Variants in ZYG11B observed in about 807,000 individuals in gnomAD.
The protein encoded by ZYG11B is protein zyg-11 homolog B.
ZYG11B carries 36 observed loss-of-function variants against 82.4 expected under a neutral mutation model. The ratio of observed to expected loss-of-function variants is 0.44; its 90% CI spans 0.33 to 0.58. ZYG11B has a LOEUF of 0.58. ZYG11B is among the 20% of genes least tolerant of loss of function. The pLI, the probability that ZYG11B is intolerant of heterozygous loss-of-function variation, is 0.02. For synonymous variants in ZYG11B, 303 were observed against 312.8 expected (o/e 0.97, Z 0.33); for missense variants, 552 against 895.6 (o/e 0.62, Z 4.90).
rs1180098619 is a variant in ZYG11B, at chr1:52,796,918, T to TAATATATAATTATATTATATTATATTATA, written c.1485+134_1485+135insAATATATAATTATATTATATTATATTATA. 2.8e-5 allele frequency: 3 copies of TAATATATAATTATATTATATTATATTATA among 107,694 alleles called. No individual in the cohort carries two copies. The East Asian group carries it at 7.5e-4, about 27-fold the overall frequency. 6.7% of individuals were successfully genotyped at this position (107,694 alleles called of 1,614,324 possible). ...TATATAATTATATATATATTATATA[T>TAATATATAATTATATTATATTATATTATA]TATATATAATTATATATTATATATA... is the stretch of plus-strand genomic sequence containing the variant. On this transcript the variant is annotated intron_variant, in intron 8 of 13. Coordinates refer to ENST00000294353, the MANE Select transcript of ZYG11B (RefSeq NM_024646.3).
At chr1:52,770,715 T>C (rs1368529311) in intron 2 of ZYG11B, among the ~76,000 whole-genome samples, 2 of 152,180 alleles carry the variant, frequency 1.3e-5, no homozygotes, top group Admixed American at 1.3e-4. Context: ...TCCAGCTAAC[T>C]CCAGGGATGG....
chr1:52,787,176 G>GCCTGTGT (rs1330918819), intron 5 of ZYG11B, among the ~76,000 whole-genome samples: 2 of 152,090 alleles, frequency 1.3e-5, no homozygotes, highest in Non-Finnish European at 2.9e-5. Context: ...ATGTCCATCA[G>GCCTGTGT]CCTGTGTTTA....
Position 52,803,227 on chromosome 1 carries a change from CACATATATATATACACACACACAT to C in ZYG11B, c.1695+1090_1695+1113del, listed in dbSNP as rs1558140525. Among the ~76,000 whole-genome samples, 46 of 68,934 alleles carry C rather than the reference CACATATATATATACACACACACAT, an allele frequency of 6.7e-4. 3 individuals carry two copies. Among genetic ancestry groups the C allele is most frequent in the African/African-American group, 4.5e-3 (45 of 10,010 alleles). The allele number at this position is 68,934 out of a possible 152,430, so 45.2% of individuals were successfully genotyped here. ...ATACACACACATATATATATATACACACATATATATATACACACACACATATATATATATATATACACACACACA... is the reference window on the plus strand; with the variant it reads ...ATACACACACATATATATATATACACATATATATATATATACACACACACA... On this transcript the variant is annotated intron_variant, in intron 10 of 13. Coordinates refer to ENST00000294353, the MANE Select transcript of ZYG11B (RefSeq NM_024646.3).
rs186381547 is a variant in ZYG11B, at chr1:52,812,433, C to T, written c.1696-1103C>T. Among the ~76,000 whole-genome samples, 11 of 152,212 alleles carry T rather than the reference C, an allele frequency of 7.2e-5. No homozygotes were observed. In the East Asian group the frequency reaches 1.5e-3, roughly 21 times the overall value. ...ATTATTTCTTTGTGAGACGGAGTCTCGCTCTGTTGCCCAGGCTGGAGTGCA... is the reference window on the plus strand; with the variant it reads ...ATTATTTCTTTGTGAGACGGAGTCTTGCTCTGTTGCCCAGGCTGGAGTGCA... On this transcript the variant is annotated intron_variant, in intron 10 of 13. Transcript: ENST00000294353.
intron 2 of ZYG11B, 84 bp from the exon 3 acceptor site, chr1:52,770,936 G>A: frequency 7.1e-7 from 1 of 1,418,208 alleles, no homozygotes; most frequent in East Asian, 2.3e-5. Context: ...ACATGGGAGC[G>A]CTTTGGAAAT....
At chr1:52,737,302 A>G (rs1644385934) in intron 1 of ZYG11B, among the ~76,000 whole-genome samples, 2 of 152,148 alleles carry the variant, frequency 1.3e-5, no homozygotes, top group South Asian at 2.1e-4. Flanking sequence ...TGTACAGTGT[A>G]TGTGCCCTGG....
At chr1:52,796,925 T>A (rs1357112755) in intron 8 of ZYG11B, 141 bp downstream of exon 8, 18 of 108,362 alleles carry the variant, frequency 1.7e-4, no homozygotes, top group African/African-American at 6.9e-4. Context: ...ATATTATATA[T>A]AATTATATAT....
chr1:52,762,711 G>A (rs1350430551), intron 2 of ZYG11B, among the ~76,000 whole-genome samples: 1 of 151,980 alleles, frequency 6.6e-6, no homozygotes. Flanking sequence ...CTCCCAAGTA[G>A]CTGGGAGTTA....
At chr1:52,738,194 C>A (rs1644393436) in intron 1 of ZYG11B, among the ~76,000 whole-genome samples, 1 of 152,030 alleles carries the variant, frequency 6.6e-6, no homozygotes, top group Admixed American at 6.6e-5. Flanking sequence ...CTTTTAAAAA[C>A]TTTTATTAAC....
intron 3 of ZYG11B, among the ~76,000 whole-genome samples, chr1:52,778,362 G>C (rs372444720): frequency 2.0e-5 from 3 of 152,090 alleles, no homozygotes; most frequent in Non-Finnish European, 4.4e-5. Context: ...TGGGGTTAAA[G>C]TGATGCTCCT....
intron 1 of ZYG11B, among the ~76,000 whole-genome samples, chr1:52,747,041 A>G (rs893573112): frequency 3.3e-5 from 5 of 151,570 alleles, no homozygotes; most frequent in Non-Finnish European, 7.4e-5. Context: ...GTACATTATT[A>G]TTTCTGAGTT....
At chr1:52,804,038 G>C (rs1485656647) in intron 10 of ZYG11B, among the ~76,000 whole-genome samples, 2 of 152,046 alleles carry the variant, frequency 1.3e-5, no homozygotes, top group Non-Finnish European at 2.9e-5. Flanking sequence ...CTAGGAGTTT[G>C]AGACCAGCCT....
chr1:52,798,067 G>A (rs769579244), intron 8 of ZYG11B, among the ~76,000 whole-genome samples: 2 of 151,980 alleles, frequency 1.3e-5, no homozygotes, highest in Non-Finnish European at 2.9e-5. Flanking sequence ...AGTCTGCAGT[G>A]AGCCGTGATC....
chr1:52,797,193 A>G (rs1385246325), intron 8 of ZYG11B, among the ~76,000 whole-genome samples: 3 of 73,954 alleles, frequency 4.1e-5, no homozygotes, highest in African/African-American at 1.2e-4. Flanking sequence ...TATATTATAT[A>G]TAAATTATTT....
At chr1:52,741,315 A>AAAAAAAAAAAAAAAG (rs1553257617) in intron 1 of ZYG11B, among the ~76,000 whole-genome samples, 13 of 142,662 alleles carry the variant, frequency 9.1e-5, no homozygotes, top group African/African-American at 3.2e-4. Context: ...AAAAAAAAAA[A>AAAAAAAAAAAAAAAG]AAAAGAAAAG....
chr1:52,786,957 G>A, intron 5 of ZYG11B, among the ~76,000 whole-genome samples: 1 of 152,118 alleles, frequency 6.6e-6, no homozygotes, highest in East Asian at 1.9e-4. Flanking sequence ...GGGCGTGGTG[G>A]CGCATGCTTA....
At chr1:52,782,931 CT>C (rs33945214) in intron 4 of ZYG11B, among the ~76,000 whole-genome samples, 234 of 143,106 alleles carry the variant, frequency 1.6e-3, no homozygotes, top group African/African-American at 4.0e-3. Flanking sequence ...TAGGCAATTC[CT>C]TTTTTTTTTT....
rs147285801 is a variant in ZYG11B, at chr1:52,744,728, G to C, written c.31-11730G>C. On this transcript the variant is annotated intron_variant, in intron 1 of 13. Transcript: ENST00000294353. ...ATGGTGGCACGCGCCTGTAGTCCCA[G>C]CTACTCAGGAGGCTGAGGCAGGAGA... Among the ~76,000 whole-genome samples the C allele has an allele frequency of 2.4e-3, 373 of 152,276 alleles. 2 individuals are homozygous for C. Among genetic ancestry groups the C allele is most frequent in the African/African-American group, 8.3e-3 (343 of 41,552 alleles).
intron 1 of ZYG11B, among the ~76,000 whole-genome samples, chr1:52,748,425 G>A (rs2149925327): frequency 6.6e-6 from 1 of 152,322 alleles, no homozygotes; most frequent in Non-Finnish European, 1.5e-5. Flanking sequence ...GAAGTACATA[G>A]GTGGCTGGCA....
Sources: allele counts gnomAD v4.1 joint callset (sites outside exome capture counted in the v4.1 genomes callset), GRCh38; gene constraint gnomAD v4.1.1; transcripts MANE v1.5; gene names NCBI Gene and HGNC (gene_info 2026-07-23, HGNC 2026-07-21).